DCLK1: variants seen among roughly 807,000 people sequenced by gnomAD.
DCLK1 encodes serine/threonine-protein kinase DCLK1.
Under a neutral mutation model 86.2 loss-of-function variants are expected in DCLK1, and 16 were observed. The ratio of observed to expected loss-of-function variants is 0.19; its 90% CI spans 0.13 to 0.28. The LOEUF is 0.28. Among genes scored for constraint, DCLK1 ranks in the 10% least tolerant of loss-of-function variants. DCLK1 has a pLI of 1.00. For missense variants in DCLK1, 590 were observed against 940.2 expected (o/e 0.63, Z 4.87); for synonymous variants, 369 against 370.5 (o/e 1.00, Z 0.05).
Position 36,131,213 on chromosome 13 carries a change from C to A in DCLK1, c.-119G>T. On this transcript the variant is annotated 5_prime_UTR_variant, in exon 1 of 17. Coordinates refer to ENST00000360631, the MANE Select transcript of DCLK1 (RefSeq NM_001330071.2). ...GCTGGGCGCGGCCGGGGCTGCGGGG[C>A]TGCAGGGCTGGGGGGCGGCGGCGGG... 1 of 153,314 alleles carries A rather than the reference C, an allele frequency of 6.5e-6. No individual in the cohort carries two copies. Among genetic ancestry groups the A allele is most frequent in the Non-Finnish European group, 1.4e-5 (1 of 69,070 alleles). The allele number at this position is 153,314 out of a possible 1,614,324, so 9.5% of individuals were successfully genotyped here.
intron 3 of DCLK1, among the ~76,000 whole-genome samples, chr13:35,952,022 T>C (rs1005215394): frequency 2.0e-5 from 3 of 152,200 alleles, no homozygotes; most frequent in Non-Finnish European, 2.9e-5. Context: ...CACTTGGATG[T>C]TAATCTCTTT....
intron 4 of DCLK1, among the ~76,000 whole-genome samples, chr13:35,928,489 C>T (rs774367304): frequency 5.3e-5 from 8 of 152,174 alleles, no homozygotes; most frequent in Non-Finnish European, 8.8e-5. Context: ...CCCCCTGCAG[C>T]CTCCCCACAC....
chr13:36,119,562 T>C (rs1885907103), intron 2 of DCLK1, among the ~76,000 whole-genome samples: 1 of 152,178 alleles, frequency 6.6e-6, no homozygotes, highest in Non-Finnish European at 1.5e-5. Context: ...TGATCACAGG[T>C]AACCAACAAG....
At chr13:35,831,962 C>T (rs1049809365) in intron 8 of DCLK1, among the ~76,000 whole-genome samples, 3 of 151,988 alleles carry the variant, frequency 2.0e-5, no homozygotes, top group South Asian at 2.1e-4. Flanking sequence ...CTGCCCACTG[C>T]ACCCCTCACC....
intron 3 of DCLK1, among the ~76,000 whole-genome samples, chr13:35,955,189 A>G (rs1877913196): frequency 1.3e-5 from 2 of 151,914 alleles, no homozygotes; most frequent in Admixed American, 6.6e-5. Flanking sequence ...ATCCTTTATT[A>G]TCTATCCTGT....
intron 4 of DCLK1, among the ~76,000 whole-genome samples, chr13:35,943,949 G>A (rs963000336): frequency 1.3e-5 from 2 of 152,080 alleles, no homozygotes; most frequent in Admixed American, 6.6e-5. Context: ...TCTATCTATA[G>A]TGCACTAGCC....
intron 4 of DCLK1, among the ~76,000 whole-genome samples, chr13:35,926,850 G>A (rs1446397200): frequency 6.6e-6 from 1 of 152,180 alleles, no homozygotes; most frequent in Non-Finnish European, 1.5e-5. Context: ...GGTGAGAAGG[G>A]CAGGAGTTGG....
intron 3 of DCLK1, among the ~76,000 whole-genome samples, chr13:36,084,241 G>A (rs1215354509): frequency 6.6e-6 from 1 of 152,150 alleles, no homozygotes; most frequent in African/African-American, 2.4e-5. Flanking sequence ...GCAAGAATCA[G>A]CAGACAGACA....
At chr13:36,030,237 C>T (rs1882214579) in intron 3 of DCLK1, among the ~76,000 whole-genome samples, 1 of 152,170 alleles carries the variant, frequency 6.6e-6, no homozygotes. Context: ...TGTAAGAGCT[C>T]ATATTCAAAC....
At chr13:35,889,625 C>T (rs886396956) in intron 4 of DCLK1, among the ~76,000 whole-genome samples, 1 of 152,088 alleles carries the variant, frequency 6.6e-6, no homozygotes, top group African/African-American at 2.4e-5. Context: ...CTGATTCATT[C>T]CATCATCGTT....
At chr13:35,817,424 A>T (rs2087294436) in intron 11 of DCLK1, among the ~76,000 whole-genome samples, 1 of 152,134 alleles carries the variant, frequency 6.6e-6, no homozygotes, top group Non-Finnish European at 1.5e-5. Context: ...TTCTGCCCGG[A>T]CACTCACAAT....
In DCLK1 at chr13:35,839,076, G is replaced by A. The variant is rs1248302176; in HGVS notation, c.1120+16C>T. ...CATCCTCTGCCTCCTCAGATACCAAGTCCCAAGCTCATCACCTTCTCCAGG... is the reference window on the plus strand; with the variant it reads ...CATCCTCTGCCTCCTCAGATACCAAATCCCAAGCTCATCACCTTCTCCAGG... On this transcript the variant is annotated intron_variant, in intron 7 of 16. Coordinates refer to ENST00000360631, the MANE Select transcript of DCLK1 (RefSeq NM_001330071.2). 3.8e-6 allele frequency: 6 copies of A among 1,588,700 alleles called. No homozygotes were observed. In the South Asian group the frequency reaches 4.6e-5, roughly 12 times the overall value.
intron 4 of DCLK1, among the ~76,000 whole-genome samples, chr13:35,904,329 C>T (rs551919657): frequency 6.6e-6 from 1 of 152,238 alleles, no homozygotes; most frequent in African/African-American, 2.4e-5. Flanking sequence ...TATTCTCGTG[C>T]CTCAGCCGGG....
chr13:35,885,817 T>C (rs917171824), intron 4 of DCLK1, among the ~76,000 whole-genome samples: 1 of 152,106 alleles, frequency 6.6e-6, no homozygotes, highest in African/African-American at 2.4e-5. Flanking sequence ...AAAATAATGA[T>C]TGTGTGGTCT....
chr13:35,776,581 G>A (rs1409149299), intron 16 of DCLK1, among the ~76,000 whole-genome samples: 3 of 152,160 alleles, frequency 2.0e-5, no homozygotes, highest in Non-Finnish European at 1.5e-5. Context: ...TTTTAAATAA[G>A]AAGCACCTTT....
intron 3 of DCLK1, among the ~76,000 whole-genome samples, chr13:36,039,318 A>C (rs1305286018): frequency 6.6e-6 from 1 of 152,166 alleles, no homozygotes; most frequent in Non-Finnish European, 1.5e-5. Context: ...GTGAAAAATC[A>C]AAGGACATAA....
intron 3 of DCLK1, among the ~76,000 whole-genome samples, chr13:36,008,423 T>C (rs1370706725): frequency 2.0e-5 from 2 of 99,182 alleles, no homozygotes; most frequent in Non-Finnish European, 3.8e-5. Flanking sequence ...CCTTCCTGTG[T>C]CCATGTGATC....
At chr13:36,102,734 G>C (rs1460415896) in intron 3 of DCLK1, among the ~76,000 whole-genome samples, 3 of 152,218 alleles carry the variant, frequency 2.0e-5, no homozygotes, top group Non-Finnish European at 4.4e-5. Context: ...AGACAAAGCA[G>C]ATGGAGTCTG....
At chr13:35,975,282 G>C (rs980759074) in intron 3 of DCLK1, among the ~76,000 whole-genome samples, 1 of 152,186 alleles carries the variant, frequency 6.6e-6, no homozygotes. Context: ...CTGTTCTGGA[G>C]AACCAGAGAT....
Sources: gnomAD v4.1 joint callset for allele counts (sites outside exome capture counted in the v4.1 genomes callset) on GRCh38, gnomAD v4.1.1 for gene constraint, MANE v1.5 for transcripts, NCBI Gene and HGNC (gene_info 2026-07-23, HGNC 2026-07-21) for gene names.